BORA: variants seen among roughly 807,000 people sequenced by gnomAD.
BORA encodes the protein BORA aurora kinase A activator, also known as protein aurora borealis.
A neutral mutation model predicts 55.8 loss-of-function variants in BORA; 26 were observed. The observed-to-expected ratio is 0.47, with a 90% CI of 0.34 to 0.65. The LOEUF (loss-of-function observed/expected upper bound fraction) is 0.65, where lower values mean the gene tolerates loss of function less well. BORA is among the 30% of genes least tolerant of loss of function. BORA has a pLI of 0.01. For missense variants in BORA, 568 were observed against 671.5 expected (o/e 0.85, Z 1.70); for synonymous variants, 201 against 216.9 (o/e 0.93, Z 0.64).
Position 72,735,800 on chromosome 13 carries a change from G to A in BORA, c.306+795G>A, listed in dbSNP as rs568875074. 1.5e-4 allele frequency among the ~76,000 whole-genome samples: 23 copies of A among 152,076 alleles called. 1 individual carries two copies. The South Asian group carries it at 4.6e-3, about 30-fold the overall frequency. ...AATTTTGTATTTTTAGTAGAGACGG[G>A]ATTTCTCCATCTTGGTCAAGCTGGT... is the stretch of plus-strand genomic sequence containing the variant. On this transcript the variant is annotated intron_variant, in intron 4 of 11. Transcript: ENST00000390667.
intron 11 of BORA, 81 bp from the exon 12 acceptor site, chr13:72,755,070 G>A: frequency 8.3e-7 from 1 of 1,201,018 alleles, no homozygotes; most frequent in Non-Finnish European, 1.2e-6. Context: ...GTGCTTTTAG[G>A]TTTTAAAAAC....
chr13:72,753,725 C>A lies in BORA; in HGVS notation c.1518C>A (p.Ser506Arg). Residue 506 changes from serine to arginine, a missense_variant, in exon 11 of 12, where the codon AGC becomes AGA. By Grantham distance (110) the Ser-to-Arg change is moderately radical. Coordinates refer to ENST00000390667, the MANE Select transcript of BORA (RefSeq NM_024808.5). ...GCTATAATACGCAGAATTGTGGAAG[C>A]AATATTATGGATACAGTTGGGGCAG... ...DSGYNTQNCG[S>R]NIMDTVGAES... is the part of the protein sequence containing the mutation. 6.2e-7 allele frequency: 1 copy of A among 1,613,004 alleles called. No homozygotes were observed. Among genetic ancestry groups the A allele is most frequent in the Non-Finnish European group, 8.5e-7 (1 of 1,179,496 alleles).
At position 72,746,649 on chromosome 13, in the gene BORA, T is replaced by C. The variant is rs752204049; in HGVS notation, c.1020T>C (p.Gly340=). The C allele has an allele frequency of 8.1e-6, 13 of 1,614,166 alleles. No individual in the cohort carries two copies. The South Asian group carries it at 1.4e-4, about 18-fold the overall frequency. The change falls in exon 10 of 12, where the codon GGT becomes GGC. Residue 340 remains glycine (G), a synonymous_variant. Coordinates refer to ENST00000390667, the MANE Select transcript of BORA (RefSeq NM_024808.5). ...WSPMRLQMYS[G]GTQYRTSVIQ... ...CTATGAGACTTCAGATGTATAGTGG[T>C]GGTACTCAGTATCGGACCTCAGTGA...
At position 72,749,328 on chromosome 13, in the gene BORA, GA is replaced by G. The variant is rs542685576; in HGVS notation, c.1482+2218del. On this transcript the variant is annotated intron_variant, in intron 10 of 11. Transcript: ENST00000390667. ...GTCTACAGGGTTCTGAAATTTCAGT[GA>G]TGTCCTTTAATGCGGGTTTCTTTCC... 2.5e-3 allele frequency among the ~76,000 whole-genome samples: 379 copies of G among 152,254 alleles called. 1 individual carries two copies. Among genetic ancestry groups the G allele is most frequent in the Non-Finnish European group, 4.6e-3 (310 of 68,018 alleles).
rs985519923 is a variant in BORA at position 72,728,225 on chromosome 13, C to T, written c.-16+218C>T. On this transcript the variant is annotated intron_variant, in intron 1 of 11. Coordinates refer to ENST00000390667, the MANE Select transcript of BORA (RefSeq NM_024808.5). ...GGGAAGCCGGCTGCATCTCAACCTT[C>T]CAGAAGTAGACTCTTTTCCACCCCA... is the stretch of plus-strand genomic sequence containing the variant. 1.4e-5 allele frequency: 10 copies of T among 726,628 alleles called. No homozygotes were observed. In the East Asian group the frequency reaches 2.4e-4, roughly 17 times the overall value. The allele number at this position is 726,628 out of a possible 1,614,324, so 45.0% of individuals were successfully genotyped here. A position where few individuals can be genotyped will look rare whatever the true frequency, so the allele number is the denominator to read the frequency against.
At chr13:72,755,121 G>GA (rs753838350) in intron 11 of BORA, 30 bp from the exon 12 acceptor site, 2 of 1,604,420 alleles carry the variant, frequency 1.2e-6, no homozygotes, top group Non-Finnish European at 1.7e-6. Context: ...TACTTAAACT[G>GA]AAAACAAGGT....
intron 11 of BORA, 130 bp from the exon 12 acceptor site, chr13:72,755,021 T>A (rs2033411156): frequency 3.0e-6 from 2 of 672,708 alleles, no homozygotes. Context: ...TATAAAATAC[T>A]GTATCTTTAC....
At chr13:72,749,610 C>T (rs1198915977) in intron 10 of BORA, among the ~76,000 whole-genome samples, 1 of 151,784 alleles carries the variant, frequency 6.6e-6, no homozygotes, top group Non-Finnish European at 1.5e-5. Flanking sequence ...TTTTGAAATG[C>T]GTTCGGTACT....
Position 72,755,388 on chromosome 13 carries a change from C to G in BORA, c.*172C>G, listed in dbSNP as rs530189681. On this transcript the variant is annotated 3_prime_UTR_variant, in exon 12 of 12. Transcript: ENST00000390667. ...CTGACATAGGAACAACAGAAATGCT[C>G]CTGGAACTTCAAGTTGCTGAATTAT... The G allele has an allele frequency of 3.8e-6, 2 of 532,392 alleles. No homozygotes were observed. The highest frequency in any genetic ancestry group is 1.9e-5 in the African/African-American group (1 of 52,196). 33.0% of individuals were successfully genotyped at this position (532,392 alleles called of 1,614,324 possible). A position where few individuals can be genotyped will look rare whatever the true frequency, so the allele number is the denominator to read the frequency against.
At chr13:72,753,648 T>A (rs1380946150) in intron 10 of BORA, 42 bp from the exon 11 acceptor site, 1 of 1,583,150 alleles carries the variant, frequency 6.3e-7, no homozygotes, top group Non-Finnish European at 8.6e-7. Context: ...ATTTGACTTT[T>A]AAGTTCCTCA....
At chr13:72,742,426 G>A (rs1355210635) in intron 5 of BORA, among the ~76,000 whole-genome samples, 1 of 151,800 alleles carries the variant, frequency 6.6e-6, no homozygotes, top group Admixed American at 6.6e-5. Context: ...TCTTGTGAAA[G>A]AAACTATATG....
chr13:72,729,796 G>A (rs890843171), intron 2 of BORA, among the ~76,000 whole-genome samples: 3 of 152,116 alleles, frequency 2.0e-5, no homozygotes, highest in Non-Finnish European at 4.4e-5. Flanking sequence ...TTCTTAGCTT[G>A]CAATCTATTA....
At chr13:72,743,410 A>G in intron 5 of BORA, 127 bp from the exon 6 acceptor site, 2 of 525,910 alleles carry the variant, frequency 3.8e-6, no homozygotes, top group Non-Finnish European at 3.3e-6. Flanking sequence ...ATATACTTAT[A>G]TATGCAGATT....
chr13:72,727,997 T>C lies in BORA; in HGVS notation c.-26T>C. On this transcript the variant is annotated 5_prime_UTR_variant, in exon 1 of 12. Transcript: ENST00000390667. Reference sequence around the variant, plus strand: ...GGAGTCGGTACTGGGGGCTTCGTTTTGTACGCACCGGTAGGTACGCTCTTT... The same window carrying C: ...GGAGTCGGTACTGGGGGCTTCGTTTCGTACGCACCGGTAGGTACGCTCTTT... 1 of 1,536,998 alleles carries C rather than the reference T, an allele frequency of 6.5e-7. No homozygotes were observed. Among genetic ancestry groups the C allele is most frequent in the South Asian group, 1.2e-5 (1 of 83,158 alleles).
At chr13:72,735,070 TTTAGGAAGACTTTCTTCA>T in intron 4 of BORA, 65 bp downstream of exon 4, 4 of 1,287,930 alleles carry the variant, frequency 3.1e-6, no homozygotes, top group Non-Finnish European at 3.4e-6. Context: ...CATCACTTCT[TTTAGGAAGACTTTCTTCA>T]ATTCCTTCAC....
chr13:72,749,547 A>G (rs558230861), intron 10 of BORA, among the ~76,000 whole-genome samples: 2 of 151,610 alleles, frequency 1.3e-5, no homozygotes, highest in South Asian at 4.2e-4. Context: ...TTTTTGGGCA[A>G]TTTCCTCCAG....
At chr13:72,738,403 G>T (rs2032975707) in intron 5 of BORA, among the ~76,000 whole-genome samples, 1 of 152,132 alleles carries the variant, frequency 6.6e-6, no homozygotes, top group Non-Finnish European at 1.5e-5. Context: ...CGTAAATTGT[G>T]TTGCCTTTTG....
chr13:72,743,100 A>G (rs2138077413), intron 5 of BORA, among the ~76,000 whole-genome samples: 1 of 152,292 alleles, frequency 6.6e-6, no homozygotes, highest in Non-Finnish European at 1.5e-5. Context: ...TTGCACAGCC[A>G]GGTAACTATA....
rs755323785 is a variant in BORA at position 72,755,563 on chromosome 13, G to C, written c.*347G>C. ...GTAGCACTGAATTTAGCAGTTCTGA[G>C]AACATGTGAAACTATGTTAAAACTG... On this transcript the variant is annotated 3_prime_UTR_variant, in exon 12 of 12. Coordinates refer to ENST00000390667, the MANE Select transcript of BORA (RefSeq NM_024808.5). 3.0e-6 allele frequency: 1 copy of C among 332,968 alleles called. No homozygotes were observed. The highest frequency in any genetic ancestry group is 5.4e-6 in the Non-Finnish European group (1 of 186,482). The allele number at this position is 332,968 out of a possible 1,614,324, so 20.6% of individuals were successfully genotyped here.
Sources: allele counts gnomAD v4.1 joint callset (sites outside exome capture counted in the v4.1 genomes callset), GRCh38; gene constraint gnomAD v4.1.1; transcripts MANE v1.5; gene names NCBI Gene and HGNC (gene_info 2026-07-23, HGNC 2026-07-21).